DPP6: variants seen among roughly 807,000 people sequenced by gnomAD.
DPP6 encodes the protein A-type potassium channel modulatory protein DPP6.
Under a neutral mutation model 122.6 loss-of-function variants are expected in DPP6, and 69 were observed. The ratio of observed to expected loss-of-function variants is 0.56; its 90% CI spans 0.46 to 0.69. DPP6 has a LOEUF of 0.69. Among genes scored for constraint, DPP6 ranks in the 30% least tolerant of loss-of-function variants. The pLI is 0.00. For synonymous variants in DPP6, 418 were observed against 433.1 expected (o/e 0.97, Z 0.43); for missense variants, 928 against 1,116.9 (o/e 0.83, Z 2.41).
chr7:154,088,937 G>A (rs542649273), intron 1 of DPP6, among the ~76,000 whole-genome samples: 20 of 152,248 alleles, frequency 1.3e-4, no homozygotes, highest in Admixed American at 3.3e-4. Flanking sequence ...ATGTGGCTCC[G>A]GCTGGAGTGT....
chr7:154,892,522 C>G lies in DPP6; in HGVS notation c.*42C>G. The G allele has an allele frequency of 4.4e-6, 7 of 1,607,438 alleles. No homozygotes were observed. The highest frequency in any genetic ancestry group is 6.0e-6 in the Non-Finnish European group (7 of 1,175,592). On this transcript the variant is annotated 3_prime_UTR_variant, in exon 26 of 26. Coordinates refer to ENST00000377770, the MANE Select transcript of DPP6 (RefSeq NM_130797.4). ...GCACAAACGTGGCTCTTTCTACAAC[C>G]AGATGCAACCGAGGGATTTCCCTGC...
At chr7:154,748,924 G>A (rs1243181074) in intron 8 of DPP6, among the ~76,000 whole-genome samples, 3 of 152,224 alleles carry the variant, frequency 2.0e-5, no homozygotes, top group Non-Finnish European at 4.4e-5. Context: ...ACTTAAGAGC[G>A]CGACCCATTC....
At chr7:154,352,749 G>T (rs892682875) in intron 1 of DPP6, among the ~76,000 whole-genome samples, 12 of 152,130 alleles carry the variant, frequency 7.9e-5, no homozygotes, top group Admixed American at 2.0e-4. Flanking sequence ...CCTAGATGAT[G>T]GGTTGACAGG....
At chr7:154,351,372 G>T (rs891679833) in intron 1 of DPP6, among the ~76,000 whole-genome samples, 1 of 152,132 alleles carries the variant, frequency 6.6e-6, no homozygotes, top group Non-Finnish European at 1.5e-5. Context: ...CAGGACCCTA[G>T]CTCGGGTGGA....
intron 1 of DPP6, among the ~76,000 whole-genome samples, chr7:154,046,345 T>C (rs1800016564): frequency 6.6e-6 from 1 of 152,252 alleles, no homozygotes; most frequent in African/African-American, 2.4e-5. Context: ...ACATGACCAG[T>C]CTCAAAGTCA....
chr7:154,772,556 C>T (rs1384036571), intron 9 of DPP6, among the ~76,000 whole-genome samples: 1 of 152,182 alleles, frequency 6.6e-6, no homozygotes, highest in Non-Finnish European at 1.5e-5. Flanking sequence ...CTCGTCTTCT[C>T]TTTTAAGCAA....
chr7:153,938,352 G>A lies in DPP6; in HGVS notation c.51+50618G>A, dbSNP rs73729231. Among the ~76,000 whole-genome samples the A allele has an allele frequency of 1.9e-3, 290 of 152,306 alleles. 2 individuals carry two copies. The highest frequency in any genetic ancestry group is 6.8e-3 in the African/African-American group (283 of 41,562). Reference sequence around the variant, plus strand: ...GGCTGAAAAGGTGCGTAAGGAATCTGTCAGATTTATCACATGGAAGTCTAG... The same window carrying A: ...GGCTGAAAAGGTGCGTAAGGAATCTATCAGATTTATCACATGGAAGTCTAG... On this transcript the variant is annotated intron_variant, in intron 1 of 25. Transcript: ENST00000404039.
intron 5 of DPP6, among the ~76,000 whole-genome samples, chr7:154,626,651 C>G (rs1835085421): frequency 6.6e-6 from 1 of 152,194 alleles, no homozygotes; most frequent in African/African-American, 2.4e-5. Context: ...CTCACCATTT[C>G]TACTCTCTTA....
In DPP6 at chr7:154,052,672, G is replaced by A. The variant is rs1800441618; in HGVS notation, c.-149G>A. On this transcript the variant is annotated 5_prime_UTR_variant, in exon 1 of 26. Transcript: ENST00000377770. This position sits in a 1 kb window ranked among gnomAD's most constrained non-coding sequence, Gnocchi z 4.8. ...GTGGCGCGCGGGAGGAGCGGCCGCC[G>A]GCGCTGGGCTTGCCTTGCTGCTGCT... The A allele has an allele frequency of 3.3e-6, 4 of 1,213,286 alleles. No homozygotes were observed. The highest frequency in any genetic ancestry group is 1.6e-5 in the African/African-American group (1 of 61,456). The allele number at this position is 1,213,286 out of a possible 1,614,324, so 75.2% of individuals were successfully genotyped here. A position where few individuals can be genotyped will look rare whatever the true frequency, so the allele number is the denominator to read the frequency against.
chr7:154,717,607 GT>G lies in DPP6; in HGVS notation c.763-10159del, dbSNP rs138118737. On this transcript the variant is annotated intron_variant, in intron 7 of 25. Coordinates refer to ENST00000377770, the MANE Select transcript of DPP6 (RefSeq NM_130797.4). ...TTCTTTGGCTAAATACTATTTCCTT[GT>G]ATACATGCATACCACATTTTCTACA... Among the ~76,000 whole-genome samples the G allele has an allele frequency of 8.6e-3, 1,311 of 152,172 alleles. 15 individuals are homozygous for G. The highest frequency in any genetic ancestry group is 0.034 in the South Asian group (165 of 4,818).
intron 3 of DPP6, among the ~76,000 whole-genome samples, chr7:154,536,498 C>T (rs1828265976): frequency 1.3e-5 from 2 of 152,160 alleles, no homozygotes; most frequent in Admixed American, 1.3e-4. Context: ...GTCCAGTTTC[C>T]TCCAAATGGA....
At chr7:154,300,998 A>G (rs1663604040) in intron 1 of DPP6, among the ~76,000 whole-genome samples, 1 of 152,180 alleles carries the variant, frequency 6.6e-6, no homozygotes, top group African/African-American at 2.4e-5. Context: ...ACAGACACAC[A>G]CAGGCGATGT....
intron 1 of DPP6, among the ~76,000 whole-genome samples, chr7:154,435,840 A>G (rs1818814232): frequency 6.6e-6 from 1 of 152,254 alleles, no homozygotes; most frequent in Admixed American, 6.5e-5. Context: ...AATAAATATT[A>G]GGAAGAAAAT....
chr7:154,008,730 C>T (rs1378758776), intron 1 of DPP6, among the ~76,000 whole-genome samples: 2 of 146,436 alleles, frequency 1.4e-5, no homozygotes, highest in African/African-American at 2.5e-5. Flanking sequence ...GGCGCGATCT[C>T]GGCTCACTGC....
intron 1 of DPP6, among the ~76,000 whole-genome samples, chr7:153,958,536 C>CT (rs1795180962): frequency 6.6e-6 from 1 of 152,112 alleles, no homozygotes; most frequent in African/African-American, 2.4e-5. Context: ...CTAGCCCCAG[C>CT]TACACTTGCA....
intron 1 of DPP6, among the ~76,000 whole-genome samples, chr7:154,314,940 C>A (rs566155520): frequency 1.3e-4 from 20 of 152,312 alleles, no homozygotes; most frequent in African/African-American, 4.8e-4. Flanking sequence ...GTAAATCAAA[C>A]CTACTGCGGT....
chr7:153,984,033 C>G (rs911283894), intron 1 of DPP6, among the ~76,000 whole-genome samples: 8 of 146,420 alleles, frequency 5.5e-5, no homozygotes, highest in African/African-American at 2.0e-4. Context: ...GCTGTTTATT[C>G]TAACAACCAT....
At chr7:154,122,800 A>G (rs1807582359) in intron 1 of DPP6, among the ~76,000 whole-genome samples, 2 of 152,328 alleles carry the variant, frequency 1.3e-5, no homozygotes, top group South Asian at 4.1e-4. Flanking sequence ...TCGAATTATC[A>G]GACCCTTCCC....
chr7:154,592,028 G>A (rs1832834266), intron 5 of DPP6, among the ~76,000 whole-genome samples: 1 of 152,228 alleles, frequency 6.6e-6, no homozygotes, highest in Non-Finnish European at 1.5e-5. Context: ...AGGAAGACGG[G>A]AATCTAGTGG....
Sources: gnomAD v4.1 joint callset for allele counts (sites outside exome capture counted in the v4.1 genomes callset) on GRCh38, gnomAD v4.1.1 for gene constraint, Gnocchi (gnomAD v3.1) non-coding constraint, MANE v1.5 for transcripts, NCBI Gene and HGNC (gene_info 2026-07-23, HGNC 2026-07-21) for gene names.